The following CIDEB variants were observed in gnomAD, a reference collection of about 807,000 sequenced individuals.
CIDEB encodes the protein cell death inducing DFFA like effector b, also known as lipid transferase CIDEB.
In CIDEB, 27 loss-of-function variants were observed where a neutral mutation model predicts 22.4. The ratio of observed to expected loss-of-function variants is 1.21; its 90% CI spans 0.89 to 1.66. CIDEB has a LOEUF of 1.66. Among genes scored for constraint, CIDEB ranks in the 40% most tolerant of loss-of-function variants. The pLI, the probability that CIDEB is intolerant of heterozygous loss-of-function variation, is 0.00. For synonymous variants in CIDEB, 103 were observed against 109.5 expected (o/e 0.94, Z 0.37); for missense variants, 289 against 268.7 (o/e 1.08, Z -0.53).
chr14:24,306,420 G>A lies in CIDEB; in HGVS notation c.290C>T (p.Thr97Met), dbSNP rs148872765. 1,685 of 1,614,218 alleles carry A rather than the reference G, an allele frequency of 1.0e-3. 16 individuals are homozygous for A. In the South Asian group the frequency reaches 0.011, roughly 11 times the overall value. ...EDFFQLLEDD[T>M]CLMVLQSGQS... ...ACCAGACTGCAACACCATCAGGCACGTGTCATCCTCCAGCAGCTGGAAGAA... is the reference window on the plus strand; with the variant it reads ...ACCAGACTGCAACACCATCAGGCACATGTCATCCTCCAGCAGCTGGAAGAA... The change falls in exon 3 of 5, where the codon ACG (threonine) becomes ATG (methionine). Residue 97 changes from threonine to methionine, a missense_variant. Physicochemically the swap from Thr to Met is moderately conservative, Grantham distance 81 (BLOSUM62 -1). Coordinates refer to ENST00000554411, the MANE Select transcript of CIDEB (RefSeq NM_001393339.1).
upstream of CIDEB, chr14:24,310,872 G>A (rs775793776): frequency 3.8e-6 from 6 of 1,592,288 alleles, no homozygotes; most frequent in Admixed American, 1.7e-5. Flanking sequence ...GGCCGACGGC[G>A]CGGTGCTGCT....
In CIDEB at chr14:24,306,109, C is replaced by T. The variant is rs889659485; in HGVS notation, c.365G>A (p.Arg122Gln). The change falls in exon 4 of 5, where the codon CGG becomes CAG. Residue 122 changes from arginine to glutamine, a missense_variant. Coordinates refer to ENST00000554411, the MANE Select transcript of CIDEB (RefSeq NM_001393339.1). ...GTCCTTGCTGTGCTTGGGCCTCTCC[C>T]GTCCCAGGCCATATGACAGCACTCC... ...RSGVLSYGLG[R>Q]ERPKHSKDIA... 3.1e-6 allele frequency: 5 copies of T among 1,613,848 alleles called. No homozygotes were observed. Among genetic ancestry groups the T allele is most frequent in the Admixed American group, 1.7e-5 (1 of 59,994 alleles).
At chr14:24,311,214 C>T, upstream of CIDEB, 1 of 1,609,266 alleles carries the variant, frequency 6.2e-7, no homozygotes, top group Non-Finnish European at 8.5e-7. Context: ...CCACCTGAGC[C>T]TGGAGACTCT....
At chr14:24,307,665 G>A in intron 1 of CIDEB, 150 bp from the exon 2 acceptor site, 1 of 1,195,798 alleles carries the variant, frequency 8.4e-7, no homozygotes. Flanking sequence ...AGTGCAGGTG[G>A]GGGCGGGTGG....
In CIDEB at chr14:24,307,720, GA is replaced by G. The variant is rs892163147; in HGVS notation, c.41+97del. The stretch of plus-strand genomic sequence containing the variant: ...CACTGTGGAGTGGGGAGCAGGAGAG[GA>G]AGGGGTACTGGTTAGTCTCCTAGGG... On this transcript the variant is annotated intron_variant, in intron 1 of 4. Coordinates refer to ENST00000554411, the MANE Select transcript of CIDEB (RefSeq NM_001393339.1). The G allele has an allele frequency of 5.9e-6, 8 of 1,365,160 alleles. No individual in the cohort carries two copies. The African/African-American group carries it at 1.2e-4, about 20-fold the overall frequency. The allele number at this position is 1,365,160 out of a possible 1,614,324, so 84.6% of individuals were successfully genotyped here.
intron 1 of CIDEB, 86 bp from the exon 2 acceptor site, chr14:24,307,601 G>A (rs2041557349): frequency 1.3e-6 from 2 of 1,484,670 alleles, no homozygotes; most frequent in African/African-American, 1.4e-5. Context: ...TGGCTAGAGG[G>A]CTAGGGAGGG....
Position 24,307,532 on chromosome 14 carries a change from AAAGTC to A in CIDEB, c.42-22_42-18del, listed in dbSNP as rs1343626834. The A allele has an allele frequency of 2.5e-6, 4 of 1,611,192 alleles. No homozygotes were observed. Among genetic ancestry groups the A allele is most frequent in the East Asian group, 2.2e-5 (1 of 44,816 alleles). Reference sequence around the variant, plus strand: ...GATACTGACCTGGTAGTTGAGAAGAAAAGTCAAGAAGGGGCGAGGAGGGGCTTGGT... The same window carrying A: ...GATACTGACCTGGTAGTTGAGAAGAAAAGAAGGGGCGAGGAGGGGCTTGGT... On this transcript the variant is annotated intron_variant, in intron 1 of 4. Coordinates refer to ENST00000554411, the MANE Select transcript of CIDEB (RefSeq NM_001393339.1).
intron 1 of CIDEB, 92 bp from the exon 2 acceptor site, chr14:24,307,607 G>T (rs773766474): frequency 2.8e-4 from 406 of 1,454,964 alleles, no homozygotes; most frequent in Non-Finnish European, 3.3e-4. Context: ...GAGGGCTAGG[G>T]AGGGAGAGAT....
At chr14:24,311,308 C>A, upstream of CIDEB, 1 of 1,593,878 alleles carries the variant, frequency 6.3e-7, no homozygotes. Flanking sequence ...CGCTGGGGCT[C>A]CGGGCGGCAC....
chr14:24,305,754 C>T lies in CIDEB; in HGVS notation c.539G>A (p.Arg180His), dbSNP rs368449983. The T allele has an allele frequency of 1.3e-5, 21 of 1,613,304 alleles. No individual in the cohort carries two copies. Among genetic ancestry groups the T allele is most frequent in the African/African-American group, 1.1e-4 (8 of 74,970 alleles). ...GPKKVLRELL[R>H]WTSTLLQGLG... The stretch of plus-strand genomic sequence containing the variant: ...GCCTTGCAGCAGTGTGGAGGTCCAA[C>T]GAAGGAGCTCCCTGAATGGCAGAGA... Residue 180 changes from arginine to histidine, a missense_variant, in exon 5 of 5, where the codon CGT (arginine) becomes CAT (histidine). Arg to His is a conservative substitution (Grantham distance 29). Coordinates refer to ENST00000554411, the MANE Select transcript of CIDEB (RefSeq NM_001393339.1).
upstream of CIDEB, chr14:24,310,025 T>G (rs2041638778): frequency 2.5e-5 from 4 of 157,030 alleles, no homozygotes; most frequent in Admixed American, 2.6e-4. Context: ...TGCTGTTTCC[T>G]GGCAAGGCAG....
intron 4 of CIDEB, 51 bp downstream of exon 4, chr14:24,305,896 G>A: frequency 6.3e-7 from 1 of 1,589,158 alleles, no homozygotes; most frequent in South Asian, 1.1e-5. Flanking sequence ...ACGAATTATG[G>A]GGACTATCCA....
chr14:24,306,628 A>G, intron 2 of CIDEB, 105 bp from the exon 3 acceptor site: 1 of 1,471,396 alleles, frequency 6.8e-7, no homozygotes, highest in Non-Finnish European at 9.4e-7. Context: ...TCGATGTCCC[A>G]CTTTGACTTT....
upstream of CIDEB, chr14:24,311,292 G>C: frequency 6.3e-7 from 1 of 1,589,008 alleles, no homozygotes; most frequent in Middle Eastern, 1.7e-4. Context: ...ACGGCTGCGG[G>C]GCGCCCGCTG....
intron 2 of CIDEB, 44 bp downstream of exon 2, chr14:24,307,327 T>G: frequency 3.2e-6 from 5 of 1,580,076 alleles, no homozygotes; most frequent in Non-Finnish European, 3.4e-6. Flanking sequence ...GTGGAGCCCC[T>G]TGGCTACCCC....
At chr14:24,309,405 C>G (rs2041618130), upstream of CIDEB, 1 of 152,292 alleles carries the variant, frequency 6.6e-6, no homozygotes, top group South Asian at 2.1e-4. Flanking sequence ...ACCTCAAGTT[C>G]TGGCTGTTAC....
chr14:24,311,127 C>T (rs1594636674), upstream of CIDEB: 3 of 1,584,264 alleles, frequency 1.9e-6, no homozygotes, highest in African/African-American at 1.4e-5. Flanking sequence ...GCTCGCCGTC[C>T]CGGCCGCCGT....
Position 24,307,375 on chromosome 14 carries a change from GC to G in CIDEB, c.181del (p.Ala61ProfsTer9), listed in dbSNP as rs762840656. ...LTAATRQELL[A>X]KALETLLLNG... ...CGAGGAACTTGGCCTACTTACTTTG[GC>G]TAGCAGCTCCTGGCGGGTGGCAGCT... On this transcript the variant is annotated frameshift_variant, in exon 2 of 5. Transcript: ENST00000554411. LOFTEE classifies it high-confidence loss of function. 6.2e-7 allele frequency: 1 copy of G among 1,612,898 alleles called. No homozygotes were observed. Among genetic ancestry groups the G allele is most frequent in the African/African-American group, 1.3e-5 (1 of 75,016 alleles).
chr14:24,307,918 G>A lies in CIDEB; in HGVS notation c.-60C>T. The stretch of plus-strand genomic sequence containing the variant: ...GGCTGGGTGGTTCTCTCCTGTGCTG[G>A]GGCTTTAGTGGTGTTTTCTGTTACA... On this transcript the variant is annotated 5_prime_UTR_variant, in exon 1 of 5. Transcript: ENST00000554411. 7.0e-7 allele frequency: 1 copy of A among 1,428,602 alleles called. No individual in the cohort carries two copies. The allele number at this position is 1,428,602 out of a possible 1,614,324, so 88.5% of individuals were successfully genotyped here. A position where few individuals can be genotyped will look rare whatever the true frequency, so the allele number is the denominator to read the frequency against.
Sources: allele counts gnomAD v4.1 joint callset, GRCh38; gene constraint gnomAD v4.1.1; transcripts MANE v1.5; gene names NCBI Gene and HGNC (gene_info 2026-07-23, HGNC 2026-07-21).